The following LUM variants were observed in gnomAD, a reference collection of about 807,000 sequenced individuals.
LUM encodes KSPG lumican.
Under a neutral mutation model 20.5 loss-of-function variants are expected in LUM, and 13 were observed. That is an observed-to-expected ratio of 0.63 (90% confidence interval 0.41 to 1.01). The LOEUF is 1.01. Ranked by LOEUF, LUM falls within the 50% of genes least tolerant of loss-of-function variation. LUM has a pLI of 0.00. For synonymous variants in LUM, 173 were observed against 151.5 expected (o/e 1.14, Z -1.04); for missense variants, 321 against 391.1 (o/e 0.82, Z 1.51).
intron 2 of LUM, among the ~76,000 whole-genome samples, chr12:91,107,287 G>GAAAGAAAGAGAA (rs1426004605): frequency 1.3e-4 from 8 of 61,330 alleles, no homozygotes; most frequent in African/African-American, 3.7e-4. Context: ...AAGAAAGAAA[G>GAAAGAAAGAGAA]AGAAAGAAAG....
chr12:91,108,021 G>GA lies in LUM; in HGVS notation c.862+96_862+97insT, dbSNP rs1555188700. The GA allele has an allele frequency of 1.4e-6, 2 of 1,413,716 alleles. No homozygotes were observed. The highest frequency in any genetic ancestry group is 2.8e-5 in the African/African-American group (2 of 70,778). The allele number at this position is 1,413,716 out of a possible 1,614,324, so 87.6% of individuals were successfully genotyped here. The stretch of plus-strand genomic sequence containing the variant: ...AGCCACAGCGCCCGGGCGACATTTT[G>GA]TTTTTTTAATGGAGCCAGATGCAAT... On this transcript the variant is annotated intron_variant, in intron 2 of 2. Coordinates refer to ENST00000266718, the MANE Select transcript of LUM (RefSeq NM_002345.4). The surrounding 1 kb of genome is among the most constrained non-coding windows in gnomAD (Gnocchi z 4.2).
At position 91,108,774 on chromosome 12, in the gene LUM, T is replaced by C. The variant is rs756036172; in HGVS notation, c.206A>G (p.Lys69Arg). 6.2e-7 allele frequency: 1 copy of C among 1,614,124 alleles called. No homozygotes were observed. Among genetic ancestry groups the C allele is most frequent in the Non-Finnish European group, 8.5e-7 (1 of 1,179,996 alleles). Residue 69 changes from lysine (K) to arginine (R), a missense_variant, in exon 2 of 3, where the codon AAG becomes AGG. Physicochemically the swap from Lys to Arg is conservative, Grantham distance 26. Transcript: ENST00000266718. The surrounding 1 kb of genome is among the most constrained non-coding windows in gnomAD (Gnocchi z 4.2). ...KSVPMVPPGI[K>R]YLYLRNNQID... ...CTGGTTATTCCTAAGGTAAAGATAC[T>C]TGATTCCAGGAGGCACCATTGGTAC...
chr12:91,107,267 GA>G (rs374601660), intron 2 of LUM, among the ~76,000 whole-genome samples: 1 of 84,988 alleles, frequency 1.2e-5, no homozygotes, highest in African/African-American at 5.2e-5. Flanking sequence ...AAGAAAGAAA[GA>G]AAGAAAGAAA....
chr12:91,109,292 C>G (rs150752992), intron 1 of LUM, among the ~76,000 whole-genome samples: 2 of 152,134 alleles, frequency 1.3e-5, no homozygotes, highest in Non-Finnish European at 2.9e-5. Context: ...TAATGAAATG[C>G]CTTCCTGTAA....
In LUM at chr12:91,108,548, A is replaced by G; in HGVS notation, c.432T>C (p.Leu144=). 2 of 1,611,318 alleles carry G rather than the reference A, an allele frequency of 1.2e-6. No individual in the cohort carries two copies. The highest frequency in any genetic ancestry group is 1.7e-6 in the Non-Finnish European group (2 of 1,177,954). ...CCAGCTTTGTGATCTTGTTATGAGT[A>G]AGCTGCAGATCCTCCAGAGATTTGG... ...PLPKSLEDLQ[L]THNKITKLGS... The change falls in exon 2 of 3, where the codon CTT becomes CTC. Residue 144 remains leucine (L), a synonymous_variant. Coordinates refer to ENST00000266718, the MANE Select transcript of LUM (RefSeq NM_002345.4). The surrounding 1 kb of genome is among the most constrained non-coding windows in gnomAD (Gnocchi z 4.2).
chr12:91,106,152 G>A (rs918497991), intron 2 of LUM, among the ~76,000 whole-genome samples: 8 of 152,154 alleles, frequency 5.3e-5, no homozygotes, highest in Admixed American at 1.3e-4. Flanking sequence ...CAGAGTTGGC[G>A]AGTATGGTCT....
rs186420450 is a variant in LUM at position 91,104,517 on chromosome 12, A to T, written c.863-198T>A. On this transcript the variant is annotated intron_variant, in intron 2 of 2. Transcript: ENST00000266718. ...AATGGCACAGTAACATTTAGTAAAG[A>T]GTAATCATGGTAGATCAAGATATTC... Among the ~76,000 whole-genome samples the T allele has an allele frequency of 1.4e-3, 218 of 152,300 alleles. 1 individual carries two copies. Among genetic ancestry groups the T allele is most frequent in the African/African-American group, 4.8e-3 (201 of 41,582 alleles).
Position 91,109,071 on chromosome 12 carries a change from C to T in LUM, c.-21-71G>A, listed in dbSNP as rs1880146200. 35 of 1,039,968 alleles carry T rather than the reference C, an allele frequency of 3.4e-5. No individual in the cohort carries two copies. The South Asian group carries it at 5.2e-4, about 15-fold the overall frequency. 64.4% of individuals were successfully genotyped at this position (1,039,968 alleles called of 1,614,324 possible). On this transcript the variant is annotated intron_variant, in intron 1 of 2. Transcript: ENST00000266718. ...CAAGAAAAAGACATTCAATTTGCAA[C>T]ATTAAATTCATTAGAAAATGTGCAT...
chr12:91,104,115 C>A lies in LUM; in HGVS notation c.*50G>T, dbSNP rs771222112. 1.4e-6 allele frequency: 2 copies of A among 1,462,134 alleles called. No homozygotes were observed. Among genetic ancestry groups the A allele is most frequent in the African/African-American group, 2.8e-5 (2 of 71,738 alleles). The allele number at this position is 1,462,134 out of a possible 1,614,324, so 90.6% of individuals were successfully genotyped here. A position where few individuals can be genotyped will look rare whatever the true frequency, so the allele number is the denominator to read the frequency against. On this transcript the variant is annotated 3_prime_UTR_variant, in exon 3 of 3. Coordinates refer to ENST00000266718, the MANE Select transcript of LUM (RefSeq NM_002345.4). Reference sequence around the variant, plus strand: ...TAATAAAATATGGATACTATGAAAACTGACACACAGAAAAACATAACCATA... The same window carrying A: ...TAATAAAATATGGATACTATGAAAAATGACACACAGAAAAACATAACCATA...
chr12:91,108,512 T>C lies in LUM; in HGVS notation c.468A>G (p.Glu156=), dbSNP rs1592663180. The change falls in exon 2 of 3, where the codon GAA becomes GAG. Residue 156 remains glutamate (E), a synonymous_variant. Transcript: ENST00000266718. The surrounding 1 kb of genome is among the most constrained non-coding windows in gnomAD (Gnocchi z 4.2). ...HNKITKLGSF[E]GLVNLTFIHL... is the part of the protein sequence containing the mutation. Reference sequence around the variant, plus strand: ...GGATGAAGGTCAGGTTTACCAATCCTTCAAAAGAGCCCAGCTTTGTGATCT... The same window carrying C: ...GGATGAAGGTCAGGTTTACCAATCCCTCAAAAGAGCCCAGCTTTGTGATCT... 1.9e-6 allele frequency: 3 copies of C among 1,613,154 alleles called. No individual in the cohort carries two copies. Among genetic ancestry groups the C allele is most frequent in the Non-Finnish European group, 2.5e-6 (3 of 1,179,356 alleles).
rs746433265 is a variant in LUM, at chr12:91,104,303, G to A, written c.879C>T (p.Ser293=). 2.5e-6 allele frequency: 4 copies of A among 1,611,792 alleles called. No individual in the cohort carries two copies. In the South Asian group the frequency reaches 4.4e-5, roughly 18 times the overall value. The change falls in exon 3 of 3, where the codon AGC becomes AGT. Residue 293 remains serine, a synonymous_variant. Transcript: ENST00000266718. The stretch of plus-strand genomic sequence containing the variant: ...ATAATGGCCCCAGGATCTTGCAGAA[G>A]CTCTTTATGTCAAACTCTAAAAATT... ...VNQLEKFDIK[S]FCKILGPLSY...
rs1879943757 is a variant in LUM at position 91,103,068 on chromosome 12, A to G, written c.*1097T>C. ...AGTATTTATCATTGTATAGAATTGT[A>G]TATACTCATAGAAAGCTGAAAGCTG... On this transcript the variant is annotated 3_prime_UTR_variant, in exon 3 of 3. Transcript: ENST00000266718. The G allele has an allele frequency of 6.6e-6, 1 of 152,160 alleles. No homozygotes were observed. The highest frequency in any genetic ancestry group is 6.6e-5 in the Admixed American group (1 of 15,264). 9.4% of individuals were successfully genotyped at this position (152,160 alleles called of 1,614,324 possible). A position where few individuals can be genotyped will look rare whatever the true frequency, so the allele number is the denominator to read the frequency against.
At position 91,103,854 on chromosome 12, in the gene LUM, A is replaced by C; in HGVS notation, c.*311T>G. The C allele has an allele frequency of 4.4e-6, 1 of 229,184 alleles. No homozygotes were observed. The highest frequency in any genetic ancestry group is 5.3e-5 in the Admixed American group (1 of 18,836). The allele number at this position is 229,184 out of a possible 1,614,324, so 14.2% of individuals were successfully genotyped here. On this transcript the variant is annotated 3_prime_UTR_variant, in exon 3 of 3. Coordinates refer to ENST00000266718, the MANE Select transcript of LUM (RefSeq NM_002345.4). ...AAGCTTTGAGGAACATTAAGATTTA[A>C]GGATTATAAAACTTGGCTGATTTCC...
intron 2 of LUM, among the ~76,000 whole-genome samples, chr12:91,107,865 G>A (rs943689776): frequency 1.3e-5 from 2 of 151,878 alleles, no homozygotes; most frequent in African/African-American, 4.8e-5. Flanking sequence ...ACAGAAGTGC[G>A]ACACCACGCC....
At chr12:91,106,162 T>C (rs1880027298) in intron 2 of LUM, among the ~76,000 whole-genome samples, 3 of 152,196 alleles carry the variant, frequency 2.0e-5, no homozygotes, top group African/African-American at 7.2e-5. Context: ...GAGTATGGTC[T>C]TCTTTATGAA....
chr12:91,107,051 T>G (rs1280709055), intron 2 of LUM, among the ~76,000 whole-genome samples: 1 of 146,782 alleles, frequency 6.8e-6, no homozygotes, highest in Admixed American at 6.9e-5. Context: ...TGGCCTGAGG[T>G]GGGAGAATCG....
chr12:91,104,673 C>T (rs1404944457), intron 2 of LUM, among the ~76,000 whole-genome samples: 4 of 151,926 alleles, frequency 2.6e-5, no homozygotes, highest in Admixed American at 6.6e-5. Context: ...TAAATGGATC[C>T]CATTGTTGTA....
rs1018935967 is a variant in LUM, at chr12:91,102,717, TTTACC to T, written c.*1443_*1447del. Reference sequence around the variant, plus strand: ...GAGGCTGCTATCACACTCTAAGGAATTTACCTTAATGTAGAAAACTCATGAAAATC... The same window carrying T: ...GAGGCTGCTATCACACTCTAAGGAATTTAATGTAGAAAACTCATGAAAATC... On this transcript the variant is annotated 3_prime_UTR_variant, in exon 3 of 3. Transcript: ENST00000266718. 2 of 152,058 alleles carry T rather than the reference TTTACC, an allele frequency of 1.3e-5. No homozygotes were observed. The highest frequency in any genetic ancestry group is 4.8e-5 in the African/African-American group (2 of 41,416). 9.4% of individuals were successfully genotyped at this position (152,058 alleles called of 1,614,324 possible).
In LUM at chr12:91,108,674, T is replaced by C. The variant is rs2121052502; in HGVS notation, c.306A>G (p.Leu102=). The C allele has an allele frequency of 1.2e-6, 2 of 1,614,098 alleles. No homozygotes were observed. Among genetic ancestry groups the C allele is most frequent in the Non-Finnish European group, 1.7e-6 (2 of 1,179,976 alleles). The change falls in exon 2 of 3, where the codon CTA becomes CTG. Residue 102 remains leucine (L), a synonymous_variant. Coordinates refer to ENST00000266718, the MANE Select transcript of LUM (RefSeq NM_002345.4). This position sits in a 1 kb window ranked among gnomAD's most constrained non-coding sequence, Gnocchi z 4.2. The part of the protein sequence containing the change: ...LQWLILDHNL[L]ENSKIKGRVF... ...CTCTCCCTTTTATCTTGGAGTTTTC[T>C]AGAAGGTTGTGATCTAGAATGAGCC...
Sources: allele counts gnomAD v4.1 joint callset (sites outside exome capture counted in the v4.1 genomes callset), GRCh38; gene constraint gnomAD v4.1.1; non-coding constraint Gnocchi (gnomAD v3.1); transcripts MANE v1.5; gene names NCBI Gene and HGNC (gene_info 2026-07-23, HGNC 2026-07-21).